Variants in REPS2 observed in about 807,000 individuals in gnomAD.
The protein encoded by REPS2 is RALBP1 associated Eps domain containing 2, also known as ralBP1-associated Eps domain-containing protein 2.
In REPS2, 23 loss-of-function variants were observed where a neutral mutation model predicts 53.6. That is an observed-to-expected ratio of 0.43 (90% CI 0.31 to 0.61). REPS2 has a LOEUF of 0.61. Ranked by LOEUF, REPS2 falls within the 20% of genes least tolerant of loss-of-function variation. The pLI, the probability that REPS2 is intolerant of heterozygous loss-of-function variation, is 0.11. For missense variants in REPS2, 446 were observed against 534.9 expected (o/e 0.83, Z 1.64); for synonymous variants, 238 against 218.6 (o/e 1.09, Z -0.78).
At chrX:16,959,217 G>C (rs2060631867) in intron 1 of REPS2, among the ~76,000 whole-genome samples, 1 of 111,984 alleles carries the variant, frequency 8.9e-6, no homozygotes, top group Admixed American at 9.4e-5. Context: ...TCCCACCCAG[G>C]CCCCCCCAGG....
At chrX:16,967,000 AG>A (rs1357923589) in intron 1 of REPS2, among the ~76,000 whole-genome samples, 3 of 112,227 alleles carry the variant, frequency 2.7e-5, no homozygotes, top group African/African-American at 9.7e-5. Context: ...AGCATGTCAC[AG>A]TGTTCTTCAT....
At chrX:17,098,626 G>GTT (rs2148044998) in intron 13 of REPS2, among the ~76,000 whole-genome samples, 1 of 110,984 alleles carries the variant, frequency 9.0e-6, no homozygotes, top group East Asian at 2.8e-4. Context: ...GTGTGTGTGT[G>GTT]TGTGTGTTTT....
chrX:17,058,642 G>A (rs2062109065), intron 8 of REPS2, among the ~76,000 whole-genome samples: 1 of 111,207 alleles, frequency 9.0e-6, no homozygotes, highest in South Asian at 3.8e-4. Flanking sequence ...TTTCTTCCTG[G>A]ACTTTTATGG....
the REPS2 span, among the ~76,000 whole-genome samples, chrX:17,187,439 C>T: frequency 1.8e-5 from 2 of 111,899 alleles, no homozygotes; most frequent in Non-Finnish European, 3.8e-5. Context: ...GAGGAATGTG[C>T]CCGGAATGCA....
chrX:17,188,254 T>C, the REPS2 span, among the ~76,000 whole-genome samples: 1 of 112,914 alleles, frequency 8.9e-6, no homozygotes, highest in Non-Finnish European at 1.9e-5. Flanking sequence ...ATTACTCCTC[T>C]TAGGAGCTTC....
intron 1 of REPS2, among the ~76,000 whole-genome samples, chrX:16,960,256 A>G (rs980507361): frequency 2.7e-5 from 3 of 110,994 alleles, no homozygotes; most frequent in Admixed American, 1.9e-4. Flanking sequence ...AGTCCCTGCT[A>G]CTTGGGAGGC....
At chrX:16,963,117 A>T (rs945405175) in intron 1 of REPS2, among the ~76,000 whole-genome samples, 2 of 111,609 alleles carry the variant, frequency 1.8e-5, no homozygotes, top group Non-Finnish European at 3.8e-5. Context: ...AAAAAAGATT[A>T]AAAAATAGTT....
intron 1 of REPS2, among the ~76,000 whole-genome samples, chrX:16,973,405 CTCTGT>C (rs2060918506): frequency 8.9e-6 from 1 of 111,920 alleles, no homozygotes; most frequent in Non-Finnish European, 1.9e-5. Context: ...TGGTGGATCA[CTCTGT>C]ATCATAGAGT....
At chrX:17,086,769 A>T (rs1226123909) in intron 13 of REPS2, among the ~76,000 whole-genome samples, 4 of 112,816 alleles carry the variant, frequency 3.5e-5, no homozygotes, top group African/African-American at 1.3e-4. Flanking sequence ...CATAAAACAT[A>T]ATTCTCAGTA....
intron 5 of REPS2, among the ~76,000 whole-genome samples, chrX:17,037,611 C>T (rs2061782686): frequency 8.9e-6 from 1 of 112,604 alleles, no homozygotes; most frequent in Non-Finnish European, 1.9e-5. Flanking sequence ...CCACCATGCC[C>T]GGCCTCTACC....
chrX:17,050,141 C>CCTTTCTTCCTTTCTTT (rs2061964303), intron 6 of REPS2, among the ~76,000 whole-genome samples: 3 of 20,388 alleles, frequency 1.5e-4, no homozygotes, highest in African/African-American at 4.8e-4. Context: ...TTCCTTTCTT[C>CCTTTCTTCCTTTCTTT]CTTTCTTTCT....
intron 17 of REPS2, among the ~76,000 whole-genome samples, chrX:17,143,417 G>A (rs1193176236): frequency 9.5e-6 from 1 of 104,994 alleles, no homozygotes. Context: ...TTTGGGGTAG[G>A]CCAGTTTCAT....
intron 6 of REPS2, among the ~76,000 whole-genome samples, chrX:17,047,986 A>T (rs1166086587): frequency 8.9e-6 from 1 of 112,719 alleles, no homozygotes; most frequent in African/African-American, 3.2e-5. Flanking sequence ...CCCACTTGTC[A>T]GTTCTTCTGG....
intron 13 of REPS2, among the ~76,000 whole-genome samples, chrX:17,094,813 C>T (rs1602998728): frequency 9.0e-6 from 1 of 111,416 alleles, no homozygotes; most frequent in East Asian, 2.8e-4. Flanking sequence ...ACCCCATTGT[C>T]TCTTTTCTCA....
chrX:17,185,117 G>A, the REPS2 span, among the ~76,000 whole-genome samples: 3 of 110,835 alleles, frequency 2.7e-5, no homozygotes, highest in African/African-American at 3.3e-5. Context: ...GCTCATGCAC[G>A]TGCTGTCAGC....
chrX:17,105,869 G>A (rs984983041), intron 14 of REPS2, among the ~76,000 whole-genome samples: 3 of 111,890 alleles, frequency 2.7e-5, no homozygotes, highest in Non-Finnish European at 5.6e-5. Context: ...CCCTATGAGC[G>A]TCTTACTAAC....
the REPS2 span, among the ~76,000 whole-genome samples, chrX:17,176,088 T>G: frequency 4.5e-5 from 5 of 111,975 alleles, no homozygotes; most frequent in Non-Finnish European, 9.4e-5. Context: ...TGCCAGAATC[T>G]GCTTGGTCCT....
At chrX:17,076,465 T>G (rs894488625) in intron 12 of REPS2, among the ~76,000 whole-genome samples, 3 of 111,813 alleles carry the variant, frequency 2.7e-5, no homozygotes, top group Middle Eastern at 4.2e-3. Flanking sequence ...TAAGTAGGTC[T>G]CCAATAAATA....
Position 17,048,152 on chromosome X carries a change from A to C in REPS2, c.907+670A>C, listed in dbSNP as rs147955876. On this transcript the variant is annotated intron_variant, in intron 6 of 17. Coordinates refer to ENST00000357277, the MANE Select transcript of REPS2 (RefSeq NM_004726.3). ...GAAAAATTCATAAAGCTTTCTTTTT[A>C]GACTTTAAAATTTGAAGAATAACAA... 8.9e-4 allele frequency among the ~76,000 whole-genome samples: 100 copies of C among 112,913 alleles called. 1 individual carries two copies. Among genetic ancestry groups the C allele is most frequent in the Non-Finnish European group, 1.4e-3 (76 of 53,429 alleles).
Sources: allele counts gnomAD v4.1 joint callset (sites outside exome capture counted in the v4.1 genomes callset), GRCh38; gene constraint gnomAD v4.1.1; transcripts MANE v1.5; gene names NCBI Gene and HGNC (gene_info 2026-07-23, HGNC 2026-07-21).